SCN8A: variants seen among roughly 807,000 people sequenced by gnomAD.
SCN8A encodes sodium channel protein type 8 subunit alpha.
SCN8A carries 30 observed loss-of-function variants against 184.1 expected under a neutral mutation model. The observed-to-expected ratio is 0.16, with a 90% CI of 0.12 to 0.22. SCN8A has a LOEUF of 0.22. Among genes scored for constraint, SCN8A ranks in the 10% least tolerant of loss-of-function variants. SCN8A has a pLI of 1.00. For synonymous variants in SCN8A, 852 were observed against 907.0 expected, an observed-to-expected ratio of 0.94 and a Z score of 1.09; for missense variants, 1,057 against 2,498.9, an observed-to-expected ratio of 0.42 and a Z score of 12.30.
chr12:51,741,880 T>G (rs1942432111), intron 12 of SCN8A, among the ~76,000 whole-genome samples: 1 of 152,042 alleles, frequency 6.6e-6, no homozygotes, highest in African/African-American at 2.4e-5. Context: ...AATTTTGTAT[T>G]TTTAGTAGAG....
At chr12:51,636,417 A>G (rs1321312705) in intron 1 of SCN8A, among the ~76,000 whole-genome samples, 1 of 152,214 alleles carries the variant, frequency 6.6e-6, no homozygotes, top group Non-Finnish European at 1.5e-5. Flanking sequence ...AATCTGAATG[A>G]AGGCATGGTA....
intron 14 of SCN8A, among the ~76,000 whole-genome samples, chr12:51,753,927 C>T (rs369374920): frequency 6.6e-6 from 1 of 152,118 alleles, no homozygotes; most frequent in African/African-American, 2.4e-5. Flanking sequence ...AAAGTATGAC[C>T]TTGTCCTGTG....
In SCN8A at chr12:51,717,562, T is replaced by A. The variant is rs374485028; in HGVS notation, c.1636-3984T>A. On this transcript the variant is annotated intron_variant, in intron 11 of 26. Coordinates refer to ENST00000627620, the MANE Select transcript of SCN8A (RefSeq NM_001330260.2). The stretch of plus-strand genomic sequence containing the variant: ...TGGTTCAGGGGAATTAATCAGTGAT[T>A]CAAAGGGGGTGCCCAAACATACATG... 9.8e-5 allele frequency among the ~76,000 whole-genome samples: 15 copies of A among 152,320 alleles called. No individual in the cohort carries two copies. The South Asian group carries it at 1.7e-3, about 17-fold the overall frequency.
At chr12:51,766,965 G>A (rs1437927202) in intron 16 of SCN8A, among the ~76,000 whole-genome samples, 1 of 152,098 alleles carries the variant, frequency 6.6e-6, no homozygotes, top group Non-Finnish European at 1.5e-5. Context: ...CCCTTAACAT[G>A]CTCATCCACA....
chr12:51,667,073 T>A lies in SCN8A; in HGVS notation c.276+3980T>A, dbSNP rs1001933948. Among the ~76,000 whole-genome samples, 64 of 152,224 alleles carry A rather than the reference T, an allele frequency of 4.2e-4. 1 individual carries two copies. The highest frequency in any genetic ancestry group is 1.5e-3 in the African/African-American group (63 of 41,440). ...TACAAATAATTGTTTAAGGAACATT[T>A]AAATTTTTAAATTCAGTTTTTAAAA... On this transcript the variant is annotated intron_variant, in intron 2 of 26. Transcript: ENST00000627620.
rs201910276 is a variant in SCN8A, at chr12:51,810,254, TAA to T, written c.*2834_*2835del. ...CCGCTGTATTTGAAGTTTCACTTTT[TAA>T]AAAAAAAATGTTTCCCACCTTTTTA... On this transcript the variant is annotated 3_prime_UTR_variant, in exon 27 of 27. Coordinates refer to ENST00000627620, the MANE Select transcript of SCN8A (RefSeq NM_001330260.2). The T allele has an allele frequency of 8.4e-6, 2 of 237,524 alleles. No individual in the cohort carries two copies. The highest frequency in any genetic ancestry group is 1.7e-5 in the Non-Finnish European group (2 of 114,882). The allele number at this position is 237,524 out of a possible 1,614,324, so 14.7% of individuals were successfully genotyped here. A position where few individuals can be genotyped will look rare whatever the true frequency, so the allele number is the denominator to read the frequency against.
chr12:51,623,929 A>G (rs1412890816), intron 1 of SCN8A, among the ~76,000 whole-genome samples: 2 of 152,274 alleles, frequency 1.3e-5, no homozygotes, highest in South Asian at 2.1e-4. Flanking sequence ...CCATGTCCCT[A>G]CAAAGGACAT....
chr12:51,790,133 A>T (rs542952370), intron 24 of SCN8A, among the ~76,000 whole-genome samples: 2 of 152,302 alleles, frequency 1.3e-5, no homozygotes, highest in East Asian at 3.9e-4. Context: ...TCTCAAGTTT[A>T]CCCTTTCTGA....
rs1940146848 is a variant in SCN8A at position 51,629,343 on chromosome 12, G to A, written c.-54-33421G>A. 1.3e-5 allele frequency among the ~76,000 whole-genome samples: 2 copies of A among 152,002 alleles called. 1 individual carries two copies. The highest frequency in any genetic ancestry group is 4.8e-5 in the African/African-American group (2 of 41,386). ...TTTGAACTAGTAATTCTTCCTTGTG[G>A]GGCTGTTCTGTGCATTGTAAGATGT... is the stretch of plus-strand genomic sequence containing the variant. On this transcript the variant is annotated intron_variant, in intron 1 of 26. Transcript: ENST00000627620.
chr12:51,791,182 A>C (rs142434595), intron 25 of SCN8A, among the ~76,000 whole-genome samples: 2 of 152,278 alleles, frequency 1.3e-5, no homozygotes, highest in Non-Finnish European at 2.9e-5. Flanking sequence ...TGTAACTTCC[A>C]TTTAGCAACT....
intron 1 of SCN8A, among the ~76,000 whole-genome samples, chr12:51,602,379 T>C (rs1939486875): frequency 6.6e-6 from 1 of 152,174 alleles, no homozygotes; most frequent in South Asian, 2.1e-4. Flanking sequence ...ATAATTCCAC[T>C]TATGTGAGTT....
At chr12:51,599,404 A>T (rs1191831318) in intron 1 of SCN8A, among the ~76,000 whole-genome samples, 1 of 152,214 alleles carries the variant, frequency 6.6e-6, no homozygotes, top group Non-Finnish European at 1.5e-5. Flanking sequence ...TGGAAGAAGC[A>T]TGATTTGAGC....
intron 18 of SCN8A, chr12:51,770,267 C>G: frequency 1.7e-6 from 1 of 587,906 alleles, no homozygotes. Flanking sequence ...GTGCCTGCCT[C>G]CTGACTACCC....
chr12:51,775,587 G>C (rs1438985583), intron 20 of SCN8A, among the ~76,000 whole-genome samples: 2 of 152,202 alleles, frequency 1.3e-5, no homozygotes, highest in Admixed American at 1.3e-4. Flanking sequence ...TCCAGCAACT[G>C]TTGATACCAT....
intron 6 of SCN8A, among the ~76,000 whole-genome samples, chr12:51,696,355 G>C (rs913212134): frequency 7.2e-5 from 11 of 152,144 alleles, no homozygotes; most frequent in Admixed American, 6.5e-4. Context: ...TTGAATTATT[G>C]ATTCAATATA....
chr12:51,721,479 C>A, intron 11 of SCN8A, 67 bp from the exon 12 acceptor site: 1 of 1,463,796 alleles, frequency 6.8e-7, no homozygotes, highest in South Asian at 1.4e-5. Flanking sequence ...CCACTTTGCT[C>A]AGTATAAAGG....
intron 12 of SCN8A, among the ~76,000 whole-genome samples, chr12:51,732,502 G>A (rs543042277): frequency 2.6e-5 from 4 of 152,230 alleles, no homozygotes; most frequent in African/African-American, 9.6e-5. Flanking sequence ...ATCAAGTAAT[G>A]TGATTCCTCC....
At chr12:51,689,537 T>C (rs1264424756) in intron 6 of SCN8A, 2 of 157,580 alleles carry the variant, frequency 1.3e-5, no homozygotes, top group African/African-American at 4.8e-5. Flanking sequence ...TATTACTATA[T>C]TAATGAAATT....
chr12:51,742,207 T>C (rs1193646986), intron 12 of SCN8A, among the ~76,000 whole-genome samples: 1 of 152,246 alleles, frequency 6.6e-6, no homozygotes, highest in Non-Finnish European at 1.5e-5. Context: ...ACTGTAATTA[T>C]GGTATGTGGG....
Sources: gnomAD v4.1 joint callset for allele counts (sites outside exome capture counted in the v4.1 genomes callset) on GRCh38, gnomAD v4.1.1 for gene constraint, MANE v1.5 for transcripts, NCBI Gene and HGNC (gene_info 2026-07-23, HGNC 2026-07-21) for gene names.